The following CD58 variants were observed in gnomAD, a reference collection of about 807,000 sequenced individuals.
The protein encoded by CD58 is lymphocyte function-associated antigen 3.
In CD58, 14 loss-of-function variants were observed where a neutral mutation model predicts 27.6. The ratio of observed to expected loss-of-function variants is 0.51; its 90% CI spans 0.34 to 0.79. The LOEUF (loss-of-function observed/expected upper bound fraction) is 0.79. Ranked by LOEUF, CD58 falls within the 30% of genes least tolerant of loss-of-function variation. The pLI is 0.02. For synonymous variants in CD58, 117 were observed against 103.8 expected, an observed-to-expected ratio of 1.13 and a Z score of -0.77; for missense variants, 268 against 301.7, an observed-to-expected ratio of 0.89 and a Z score of 0.83.
chr1:116,527,344 G>C lies in CD58; in HGVS notation c.629-5361C>G, dbSNP rs185805902. ...AGGCATTTGTTAACAAGTTGAAAAA[G>C]TTTCCCCTCTATTCCTAGTTTACTG... On this transcript the variant is annotated intron_variant, in intron 3 of 5. Transcript: ENST00000369489. The surrounding 1 kb of genome is among the most constrained non-coding windows in gnomAD (Gnocchi z 4.4). Among the ~76,000 whole-genome samples the C allele has an allele frequency of 3.3e-4, 50 of 152,206 alleles. No individual in the cohort carries two copies. In the East Asian group the frequency reaches 9.6e-3, roughly 29 times the overall value.
In CD58 at chr1:116,534,125, A is replaced by G; in HGVS notation, c.628+1840T>C. 1.4e-6 allele frequency: 1 copy of G among 721,520 alleles called. No individual in the cohort carries two copies. Among genetic ancestry groups the G allele is most frequent in the Non-Finnish European group, 2.5e-6 (1 of 398,672 alleles). 44.7% of individuals were successfully genotyped at this position (721,520 alleles called of 1,614,324 possible). On this transcript the variant is annotated intron_variant, in intron 3 of 5. Coordinates refer to ENST00000369489, the MANE Select transcript of CD58 (RefSeq NM_001779.3). This position sits in a 1 kb window ranked among gnomAD's most constrained non-coding sequence, Gnocchi z 5.3. ...TTTTTATCCCCTTGTCTGGTAAACC[A>G]AGTCCCGTGAGTAACTAGGCTAAGG...
In CD58 at chr1:116,521,865, T is replaced by C; in HGVS notation, c.706+41A>G. 1 of 1,070,352 alleles carries C rather than the reference T, an allele frequency of 9.3e-7. No individual in the cohort carries two copies. The allele number at this position is 1,070,352 out of a possible 1,614,324, so 66.3% of individuals were successfully genotyped here. On this transcript the variant is annotated intron_variant, in intron 4 of 5. Coordinates refer to ENST00000369489, the MANE Select transcript of CD58 (RefSeq NM_001779.3). This position sits in a 1 kb window ranked among gnomAD's most constrained non-coding sequence, Gnocchi z 5.6. ...CTATTTTCTGACCTTTGGAAAACAA[T>C]GCAAGTTTTCAAACTATTTTGTTTT... is the stretch of plus-strand genomic sequence containing the variant.
chr1:116,566,600 G>C (rs960325176), intron 1 of CD58, among the ~76,000 whole-genome samples: 4 of 152,174 alleles, frequency 2.6e-5, no homozygotes, highest in Admixed American at 1.3e-4. Flanking sequence ...TTCTGTGCCA[G>C]AAAGTAAGGA....
rs1657596612 is a variant in CD58, at chr1:116,531,335, T to C, written c.628+4630A>G. On this transcript the variant is annotated intron_variant, in intron 3 of 5. Coordinates refer to ENST00000369489, the MANE Select transcript of CD58 (RefSeq NM_001779.3). The surrounding 1 kb of genome is among the most constrained non-coding windows in gnomAD (Gnocchi z 4.5). ...AATTATTTCCTTCAAGTATTTTGTC[T>C]CTTGGAACACTTAAAACTTTTCAAG... Among the ~76,000 whole-genome samples, 1 of 152,240 alleles carries C rather than the reference T, an allele frequency of 6.6e-6. No individual in the cohort carries two copies. Among genetic ancestry groups the C allele is most frequent in the African/African-American group, 2.4e-5 (1 of 41,466 alleles).
In CD58 at chr1:116,519,962, T is replaced by A. The variant is rs1244923058; in HGVS notation, c.707-695A>T. Among the ~76,000 whole-genome samples the A allele has an allele frequency of 6.6e-6, 1 of 152,214 alleles. No homozygotes were observed. Among genetic ancestry groups the A allele is most frequent in the Non-Finnish European group, 1.5e-5 (1 of 68,028 alleles). ...GCTAGTGGTTCAGAAGCTTAGTCAA[T>A]AGGGTTGACTAGAGCTTATAAAGTT... On this transcript the variant is annotated intron_variant, in intron 4 of 5. Transcript: ENST00000369489. This position sits in a 1 kb window ranked among gnomAD's most constrained non-coding sequence, Gnocchi z 4.7.
chr1:116,548,087 A>G (rs1159096445), intron 1 of CD58, among the ~76,000 whole-genome samples: 1 of 152,146 alleles, frequency 6.6e-6, no homozygotes, highest in Non-Finnish European at 1.5e-5. Flanking sequence ...TTTGTTGGCC[A>G]TTTGTATATC....
chr1:116,556,322 CCTT>C (rs990249082), intron 1 of CD58, among the ~76,000 whole-genome samples: 4 of 148,566 alleles, frequency 2.7e-5, no homozygotes, highest in Admixed American at 1.3e-4. Context: ...TTATTTCTAA[CCTT>C]ATTATTTTGC....
intron 2 of CD58, among the ~76,000 whole-genome samples, chr1:116,543,641 A>C (rs1160501810): frequency 1.3e-5 from 2 of 152,054 alleles, no homozygotes; most frequent in African/African-American, 2.4e-5. Context: ...ATGGTGCAGG[A>C]GCTGGGTGTG....
chr1:116,534,214 A>G lies in CD58; in HGVS notation c.628+1751T>C. ...TGGCTCGCACCGCACAGCTCCCAAC[A>G]GCTGAGATGCAATGCCAAGGACTTT... On this transcript the variant is annotated intron_variant, in intron 3 of 5. Coordinates refer to ENST00000369489, the MANE Select transcript of CD58 (RefSeq NM_001779.3). The surrounding 1 kb of genome is among the most constrained non-coding windows in gnomAD (Gnocchi z 5.3). 1.9e-6 allele frequency: 1 copy of G among 536,630 alleles called. No individual in the cohort carries two copies. The highest frequency in any genetic ancestry group is 3.3e-6 in the Non-Finnish European group (1 of 298,678). The allele number at this position is 536,630 out of a possible 1,614,324, so 33.2% of individuals were successfully genotyped here.
At chr1:116,544,968 G>A (rs61789231) in intron 1 of CD58, among the ~76,000 whole-genome samples, 2,095 of 152,304 alleles carry the variant, frequency 0.014, 24 homozygotes, top group East Asian at 0.025. Flanking sequence ...AAGTCATGCT[G>A]GAACTGACAT....
rs1327283204 is a variant in CD58 at position 116,521,577 on chromosome 1, G to A, written c.706+329C>T. ...AATTACAGAGGTGGCAGCCTAAAGA[G>A]GTCTTTAGCAAACTCTGACTTGGAG... On this transcript the variant is annotated intron_variant, in intron 4 of 5. Transcript: ENST00000369489. The surrounding 1 kb of genome is among the most constrained non-coding windows in gnomAD (Gnocchi z 5.6). Among the ~76,000 whole-genome samples, 1 of 152,154 alleles carries A rather than the reference G, an allele frequency of 6.6e-6. No individual in the cohort carries two copies. Among genetic ancestry groups the A allele is most frequent in the African/African-American group, 2.4e-5 (1 of 41,424 alleles).
intron 1 of CD58, among the ~76,000 whole-genome samples, chr1:116,548,016 G>T (rs563590117): frequency 2.0e-5 from 3 of 152,188 alleles, no homozygotes; most frequent in Middle Eastern, 6.8e-3. Context: ...AGGTGGTATT[G>T]CATTGTGGTT....
Position 116,531,740 on chromosome 1 carries a change from A to G in CD58, c.628+4225T>C, listed in dbSNP as rs111842687. Among the ~76,000 whole-genome samples the G allele has an allele frequency of 4.3e-3, 649 of 152,144 alleles. 6 individuals carry two copies. Among genetic ancestry groups the G allele is most frequent in the African/African-American group, 0.015 (626 of 41,498 alleles). The stretch of plus-strand genomic sequence containing the variant: ...CAGTTATAAATTGGGACTCATTTGC[A>G]CTTTTTCTTTTTTTTCTCCGTGTTT... On this transcript the variant is annotated intron_variant, in intron 3 of 5. Coordinates refer to ENST00000369489, the MANE Select transcript of CD58 (RefSeq NM_001779.3). The surrounding 1 kb of genome is among the most constrained non-coding windows in gnomAD (Gnocchi z 4.5).
Position 116,536,317 on chromosome 1 carries a change from A to T in CD58, c.365-89T>A. The T allele has an allele frequency of 2.1e-6, 2 of 945,500 alleles. No homozygotes were observed. The highest frequency in any genetic ancestry group is 3.1e-6 in the Non-Finnish European group (2 of 647,012). 58.6% of individuals were successfully genotyped at this position (945,500 alleles called of 1,614,324 possible). Reference sequence around the variant, plus strand: ...TTTATGAAGAGCTCGCAACCTCCTTACAAGCTTGAAAGGATGAGCAGACAA... The same window carrying T: ...TTTATGAAGAGCTCGCAACCTCCTTTCAAGCTTGAAAGGATGAGCAGACAA... On this transcript the variant is annotated intron_variant, in intron 2 of 5. Coordinates refer to ENST00000369489, the MANE Select transcript of CD58 (RefSeq NM_001779.3). The surrounding 1 kb of genome is among the most constrained non-coding windows in gnomAD (Gnocchi z 5.4).
rs1657821149 is a variant in CD58 at position 116,536,708 on chromosome 1, G to A, written c.365-480C>T. Among the ~76,000 whole-genome samples the A allele has an allele frequency of 6.6e-6, 1 of 152,168 alleles. No individual in the cohort carries two copies. ...CCTCCCCAGCCATGTGGAACTGTGA[G>A]TCAATTAAACCTCTTTTCTTTATAA... On this transcript the variant is annotated intron_variant, in intron 2 of 5. Transcript: ENST00000369489. This position sits in a 1 kb window ranked among gnomAD's most constrained non-coding sequence, Gnocchi z 5.4.
At position 116,557,773 on chromosome 1, in the gene CD58, A is replaced by G. The variant is rs916058344; in HGVS notation, c.70+13130T>C. ...ACTGTAGCTTCAACCTCCTGGGCTCAAGTGATCCTTCTGCCTCAGCCTCCC... is the reference window on the plus strand; with the variant it reads ...ACTGTAGCTTCAACCTCCTGGGCTCGAGTGATCCTTCTGCCTCAGCCTCCC... On this transcript the variant is annotated intron_variant, in intron 1 of 5. Transcript: ENST00000369489. The surrounding 1 kb of genome is among the most constrained non-coding windows in gnomAD (Gnocchi z 5.2). 6.6e-6 allele frequency among the ~76,000 whole-genome samples: 1 copy of G among 151,960 alleles called. No individual in the cohort carries two copies. The highest frequency in any genetic ancestry group is 6.6e-5 in the Admixed American group (1 of 15,258).
chr1:116,532,807 T>C lies in CD58; in HGVS notation c.628+3158A>G. On this transcript the variant is annotated intron_variant, in intron 3 of 5. Coordinates refer to ENST00000369489, the MANE Select transcript of CD58 (RefSeq NM_001779.3). This position sits in a 1 kb window ranked among gnomAD's most constrained non-coding sequence, Gnocchi z 5.1. ...AAAGGAAAAGTGAAAGTGAAAATCA[T>C]GCACTTGAAAACGATTAGATGGAGT... 1.9e-6 allele frequency: 1 copy of C among 536,084 alleles called. No individual in the cohort carries two copies. The highest frequency in any genetic ancestry group is 2.0e-5 in the South Asian group (1 of 50,104). 33.2% of individuals were successfully genotyped at this position (536,084 alleles called of 1,614,324 possible). A position where few individuals can be genotyped will look rare whatever the true frequency, so the allele number is the denominator to read the frequency against.
rs745975175 is a variant in CD58, at chr1:116,563,869, C to T, written c.70+7034G>A. On this transcript the variant is annotated intron_variant, in intron 1 of 5. Transcript: ENST00000369489. This position sits in a 1 kb window ranked among gnomAD's most constrained non-coding sequence, Gnocchi z 4.1. ...CTGGAGACATTTTCCCCATTGTCTT[C>T]GTGATTAACATTTGGCTCCTCATTA... Among the ~76,000 whole-genome samples, 6 of 152,320 alleles carry T rather than the reference C, an allele frequency of 3.9e-5. No individual in the cohort carries two copies. The highest frequency in any genetic ancestry group is 6.5e-5 in the Admixed American group (1 of 15,300).
intron 3 of CD58, among the ~76,000 whole-genome samples, chr1:116,529,681 A>ATAAAT (rs1657534037): frequency 6.6e-6 from 1 of 152,234 alleles, no homozygotes; most frequent in Non-Finnish European, 1.5e-5. Context: ...ATTAAATGTG[A>ATAAAT]CACATTTATG....
Sources: gnomAD v4.1 joint callset for allele counts (sites outside exome capture counted in the v4.1 genomes callset) on GRCh38, gnomAD v4.1.1 for gene constraint, Gnocchi (gnomAD v3.1) non-coding constraint, MANE v1.5 for transcripts, NCBI Gene and HGNC (gene_info 2026-07-23, HGNC 2026-07-21) for gene names.